The following ODF2 variants were observed in gnomAD, a reference collection of about 807,000 sequenced individuals.
The protein encoded by ODF2 is outer dense fiber of sperm tails 2, also known as outer dense fiber protein 2.
A neutral mutation model predicts 110.2 loss-of-function variants in ODF2; 47 were observed. The observed-to-expected ratio is 0.43, with a 90% CI of 0.34 to 0.54. The LOEUF (loss-of-function observed/expected upper bound fraction) is 0.54, where lower values mean the gene tolerates loss of function less well. Ranked by LOEUF, ODF2 falls within the 20% of genes least tolerant of loss-of-function variation. ODF2 has a pLI of 0.03. For synonymous variants in ODF2, 352 were observed against 397.7 expected (o/e 0.89, Z 1.37); for missense variants, 812 against 1,054.5 (o/e 0.77, Z 3.19).
At chr9:128,496,441 A>C in intron 18 of ODF2, 2 of 888,372 alleles carry the variant, frequency 2.3e-6, no homozygotes, top group Non-Finnish European at 1.6e-6. Flanking sequence ...CCCAGTTTGA[A>C]TGGAGCAGCC....
chr9:128,462,196 G>A (rs1469235769), intron 4 of ODF2, among the ~76,000 whole-genome samples: 1 of 151,388 alleles, frequency 6.6e-6, no homozygotes, highest in East Asian at 1.9e-4. Flanking sequence ...CCCTTGCCCA[G>A]GCTGGAGTGC....
At chr9:128,470,650 C>T (rs998211321) in intron 5 of ODF2, among the ~76,000 whole-genome samples, 1 of 151,716 alleles carries the variant, frequency 6.6e-6, no homozygotes, top group Non-Finnish European at 1.5e-5. Flanking sequence ...AGCCCTTCTT[C>T]CCCTATAACT....
chr9:128,461,717 C>T (rs1836510030), intron 4 of ODF2, among the ~76,000 whole-genome samples: 1 of 152,132 alleles, frequency 6.6e-6, no homozygotes, highest in African/African-American at 2.4e-5. Flanking sequence ...CCACAGCCAG[C>T]CTATTTTTCT....
chr9:128,496,924 C>T (rs1392318759), intron 18 of ODF2, among the ~76,000 whole-genome samples: 3 of 151,978 alleles, frequency 2.0e-5, no homozygotes, highest in Non-Finnish European at 2.9e-5. Flanking sequence ...GATGGGGTTT[C>T]GCCGTGTTGC....
At chr9:128,480,776 C>T (rs925963981) in intron 8 of ODF2, among the ~76,000 whole-genome samples, 1 of 152,126 alleles carries the variant, frequency 6.6e-6, no homozygotes, top group Non-Finnish European at 1.5e-5. Flanking sequence ...GAGATCGTGC[C>T]ATCGCACTCC....
intron 6 of ODF2, 129 bp downstream of exon 6, chr9:128,471,597 C>T: frequency 4.1e-6 from 3 of 734,112 alleles, no homozygotes; most frequent in Non-Finnish European, 6.7e-6. Flanking sequence ...GGAGCCTGTT[C>T]AACAGTCACA....
In ODF2 at chr9:128,492,968, C is replaced by T. The variant is rs118186951; in HGVS notation, c.1752+163C>T. On this transcript the variant is annotated intron_variant, in intron 16 of 20. Coordinates refer to ENST00000604420, the Ensembl canonical transcript of ODF2. ...CTCATCCACTCTACCCTGTGCCTCT[C>T]TCTCCTTTGTCTCTTTCTTGTTTCC... Among the ~76,000 whole-genome samples, 486 of 152,080 alleles carry T rather than the reference C, an allele frequency of 3.2e-3. 2 individuals carry two copies. Among genetic ancestry groups the T allele is most frequent in the Admixed American group, 6.3e-3 (96 of 15,270 alleles).
intron 9 of ODF2, 82 bp from the exon 10 acceptor site, chr9:128,482,734 G>T: frequency 9.5e-7 from 1 of 1,047,942 alleles, no homozygotes; most frequent in Non-Finnish European, 1.4e-6. Flanking sequence ...CCAGTGGCCA[G>T]GTACTCACAA....
At chr9:128,474,659 T>TAA (rs751359242) in intron 8 of ODF2, among the ~76,000 whole-genome samples, 1 of 134,004 alleles carries the variant, frequency 7.5e-6, no homozygotes, top group Non-Finnish European at 1.6e-5. Context: ...AGACTCCATC[T>TAA]AAAAAAAAAA....
At chr9:128,462,655 A>G (rs954802095) in intron 4 of ODF2, among the ~76,000 whole-genome samples, 5 of 149,898 alleles carry the variant, frequency 3.3e-5, no homozygotes, top group African/African-American at 1.2e-4. Context: ...GCTGGAGTGC[A>G]GTGGTGCAAT....
chr9:128,489,168 G>A (rs1321611315), intron 14 of ODF2, among the ~76,000 whole-genome samples: 1 of 152,196 alleles, frequency 6.6e-6, no homozygotes, highest in Non-Finnish European at 1.5e-5. Flanking sequence ...CAGCCTGCCA[G>A]GAGTGAGAGG....
At chr9:128,460,392 G>T in intron 3 of ODF2, 158 bp from the exon 3 acceptor site, 4 of 1,422,836 alleles carry the variant, frequency 2.8e-6, no homozygotes, top group Non-Finnish European at 3.7e-6. Flanking sequence ...TGATACTCCC[G>T]CCTTACTCCC....
intron 7 of ODF2, 41 bp downstream of exon 7, chr9:128,473,083 T>C (rs1588840430): frequency 1.2e-6 from 2 of 1,612,262 alleles, no homozygotes; most frequent in African/African-American, 2.7e-5. Context: ...GGAACTGGCC[T>C]CGGGAGGGGG....
chr9:128,469,444 C>T, intron 5 of ODF2, 91 bp downstream of exon 5: 1 of 1,371,234 alleles, frequency 7.3e-7, no homozygotes, highest in Non-Finnish European at 1.0e-6. Flanking sequence ...CAGCCTGCGT[C>T]TGCAGGCCTT....
Position 128,485,305 on chromosome 9 carries a change from G to C in ODF2, c.1291-60G>C. The stretch of plus-strand genomic sequence containing the variant: ...ACCACCTAGGATGAGCCCGCTCCCA[G>C]CTCCTGGCAGCCTCACCACTGACAC... On this transcript the variant is annotated intron_variant, in intron 12 of 20. Coordinates refer to ENST00000604420, the Ensembl canonical transcript of ODF2. The surrounding 1 kb of genome is among the most constrained non-coding windows in gnomAD (Gnocchi z 5.0). 2.2e-6 allele frequency: 2 copies of C among 900,354 alleles called. No homozygotes were observed. Among genetic ancestry groups the C allele is most frequent in the South Asian group, 2.8e-5 (2 of 71,038 alleles). The allele number at this position is 900,354 out of a possible 1,614,324, so 55.8% of individuals were successfully genotyped here.
chr9:128,488,681 C>T (rs1843903999), intron 14 of ODF2, among the ~76,000 whole-genome samples: 1 of 152,172 alleles, frequency 6.6e-6, no homozygotes, highest in African/African-American at 2.4e-5. Context: ...TTAAACTGTC[C>T]AACCTGCCAG....
At chr9:128,457,513 G>A in intron 2 of ODF2, 2 of 1,483,028 alleles carry the variant, frequency 1.3e-6, no homozygotes, top group Non-Finnish European at 9.0e-7. Flanking sequence ...AGGCTCGCCT[G>A]AGGCTTCCAG....
At chr9:128,489,879 C>T (rs115129406) in intron 14 of ODF2, among the ~76,000 whole-genome samples, 2,353 of 152,280 alleles carry the variant, frequency 0.015, 25 homozygotes, top group Middle Eastern at 0.034. Context: ...AATCTCCACA[C>T]CTGTCAGTGG....
At chr9:128,498,679 C>T (rs1846057016) in intron 19 of ODF2, 104 bp downstream of exon 19, 2 of 680,922 alleles carry the variant, frequency 2.9e-6, no homozygotes, top group Non-Finnish European at 5.0e-6. Flanking sequence ...GTAGTACCCG[C>T]TTCATGAATT....
Sources: allele counts gnomAD v4.1 joint callset (sites outside exome capture counted in the v4.1 genomes callset), GRCh38; gene constraint gnomAD v4.1.1; non-coding constraint Gnocchi (gnomAD v3.1); transcripts MANE v1.5; gene names NCBI Gene and HGNC (gene_info 2026-07-23, HGNC 2026-07-21).